CIB4: variants seen among roughly 807,000 people sequenced by gnomAD.
CIB4 encodes the protein calcium and integrin-binding family member 4.
CIB4 carries 25 observed loss-of-function variants against 25.8 expected under a neutral mutation model. The observed-to-expected ratio is 0.97, with a 90% confidence interval of 0.71 to 1.35. The LOEUF (loss-of-function observed/expected upper bound fraction) is 1.35, where lower values mean the gene tolerates loss of function less well. CIB4 is among the 40% of genes most tolerant of loss of function. The probability of loss-of-function intolerance (pLI) is 0.00; values close to 1 mark genes in which losing one functional copy is unlikely to be tolerated. For missense variants in CIB4, 235 were observed against 228.2 expected (o/e 1.03, Z -0.19); for synonymous variants, 75 against 81.4 (o/e 0.92, Z 0.42).
chr2:26,629,519 G>A lies in CIB4; in HGVS notation c.90-13C>T, dbSNP rs1480734051. 2 of 1,537,394 alleles carry A rather than the reference G, an allele frequency of 1.3e-6. No individual in the cohort carries two copies. The highest frequency in any genetic ancestry group is 2.4e-5 in the East Asian group (1 of 42,456). On this transcript the variant is annotated splice_polypyrimidine_tract_variant and intron_variant, in intron 2 of 6. Transcript: ENST00000288861. ...GGTGTCATGGATGCTGAAAAGAGAG[G>A]CATGAAGACCGTGTGGCCGGGGAAA...
chr2:26,630,245 T>C (rs978674482), intron 2 of CIB4, among the ~76,000 whole-genome samples: 3 of 152,104 alleles, frequency 2.0e-5, no homozygotes, highest in Admixed American at 2.0e-4. Flanking sequence ...TGAGCCCTCA[T>C]TGCCTGTCTC....
intron 3 of CIB4, among the ~76,000 whole-genome samples, chr2:26,599,965 CA>C (rs1668751144): frequency 1.4e-5 from 2 of 140,996 alleles, no homozygotes; most frequent in African/African-American, 5.6e-5. Context: ...CCCAGCTACT[CA>C]GGAGGCTGAG....
At chr2:26,640,692 C>T (rs1292241494) in intron 1 of CIB4, 125 bp from the exon 2 acceptor site, 7 of 1,039,966 alleles carry the variant, frequency 6.7e-6, no homozygotes, top group Non-Finnish European at 1.0e-5. Flanking sequence ...CTGGGGGAAC[C>T]CCAGGTTGAG....
intron 4 of CIB4, among the ~76,000 whole-genome samples, chr2:26,587,647 T>G (rs924368469): frequency 2.6e-5 from 4 of 152,182 alleles, no homozygotes; most frequent in African/African-American, 9.6e-5. Flanking sequence ...CTAATAAGCA[T>G]CTTCTATACT....
chr2:26,625,025 T>C (rs940789261), intron 3 of CIB4, among the ~76,000 whole-genome samples: 1 of 152,032 alleles, frequency 6.6e-6, no homozygotes, highest in African/African-American at 2.4e-5. Context: ...ACCCCATAAA[T>C]ATATACACCT....
At chr2:26,625,535 A>G (rs1669286978) in intron 3 of CIB4, among the ~76,000 whole-genome samples, 2 of 152,088 alleles carry the variant, frequency 1.3e-5, no homozygotes, top group African/African-American at 2.4e-5. Context: ...TATTTTTAGT[A>G]GAGACGGGGT....
chr2:26,593,173 A>G lies in CIB4; in HGVS notation c.328+2003T>C, dbSNP rs116149648. 2.2e-3 allele frequency among the ~76,000 whole-genome samples: 329 copies of G among 152,300 alleles called. 2 individuals are homozygous for G. Among genetic ancestry groups the G allele is most frequent in the African/African-American group, 7.7e-3 (320 of 41,584 alleles). On this transcript the variant is annotated intron_variant, in intron 4 of 6. Transcript: ENST00000288861. ...TGCTCCTGGTTCTTGGACTTTCAGA[A>G]TGAATTATGCTACCGCCTTTCCTAG...
At chr2:26,601,231 A>AAAATATATATATATAT (rs1395827334) in intron 3 of CIB4, among the ~76,000 whole-genome samples, 1 of 17,238 alleles carries the variant, frequency 5.8e-5, no homozygotes, top group African/African-American at 1.5e-4. Flanking sequence ...AAAAAAAAAA[A>AAAATATATATATATAT]ATATATATAT....
intron 3 of CIB4, among the ~76,000 whole-genome samples, chr2:26,606,302 A>G (rs1444935160): frequency 6.6e-6 from 1 of 152,226 alleles, no homozygotes; most frequent in Non-Finnish European, 1.5e-5. Context: ...GCAAAGTGCT[A>G]TGACAAGAGC....
At chr2:26,601,231 A>AAAATATATATAT (rs1395827334) in intron 3 of CIB4, among the ~76,000 whole-genome samples, 2 of 17,236 alleles carry the variant, frequency 1.2e-4, no homozygotes, top group African/African-American at 3.0e-4. Flanking sequence ...AAAAAAAAAA[A>AAAATATATATAT]ATATATATAT....
intron 2 of CIB4, among the ~76,000 whole-genome samples, chr2:26,633,218 A>G (rs911298068): frequency 1.3e-5 from 2 of 152,188 alleles, no homozygotes; most frequent in Admixed American, 6.5e-5. Flanking sequence ...GGCAGAAAAG[A>G]AACTCACCAG....
At chr2:26,640,857 G>T (rs1201231142) in intron 1 of CIB4, among the ~76,000 whole-genome samples, 7 of 152,184 alleles carry the variant, frequency 4.6e-5, no homozygotes, top group African/African-American at 1.7e-4. Flanking sequence ...ACAGATGGAG[G>T]AAGGTAACCT....
intron 4 of CIB4, among the ~76,000 whole-genome samples, chr2:26,588,170 G>T (rs1473858288): frequency 6.6e-6 from 1 of 152,256 alleles, no homozygotes; most frequent in African/African-American, 2.4e-5. Flanking sequence ...CTACACTGCT[G>T]CTGGGAACCT....
chr2:26,616,209 A>G (rs1419593894), intron 3 of CIB4, among the ~76,000 whole-genome samples: 1 of 152,228 alleles, frequency 6.6e-6, no homozygotes, highest in Non-Finnish European at 1.5e-5. Context: ...CACAGCCCAG[A>G]TCTCAGGACT....
intron 2 of CIB4, 24 bp from the exon 3 acceptor site, chr2:26,629,530 G>A (rs1158254474): frequency 1.9e-5 from 29 of 1,492,434 alleles, no homozygotes; most frequent in Admixed American, 5.9e-5. Context: ...CATGAAGACC[G>A]TGTGGCCGGG....
intron 4 of CIB4, among the ~76,000 whole-genome samples, chr2:26,587,566 A>G (rs1668482099): frequency 6.6e-6 from 1 of 152,124 alleles, no homozygotes; most frequent in South Asian, 2.1e-4. Flanking sequence ...ATACATGGAC[A>G]TCACCTGGAA....
At chr2:26,584,686 T>A (rs1408945595) in intron 4 of CIB4, among the ~76,000 whole-genome samples, 2 of 152,192 alleles carry the variant, frequency 1.3e-5, no homozygotes, top group African/African-American at 2.4e-5. Context: ...AAGGGTAATG[T>A]GACAGGGAGC....
At chr2:26,631,553 G>A (rs535985290) in intron 2 of CIB4, among the ~76,000 whole-genome samples, 1 of 152,304 alleles carries the variant, frequency 6.6e-6, no homozygotes, top group South Asian at 2.1e-4. Flanking sequence ...GGAAGCAGGA[G>A]GCTCTCCCAG....
At chr2:26,631,429 G>A (rs962840945) in intron 2 of CIB4, among the ~76,000 whole-genome samples, 2 of 152,144 alleles carry the variant, frequency 1.3e-5, no homozygotes, top group East Asian at 1.9e-4. Context: ...AGCTGTGATC[G>A]CACTACTGCA....
Sources: allele counts gnomAD v4.1 joint callset (sites outside exome capture counted in the v4.1 genomes callset), GRCh38; gene constraint gnomAD v4.1.1; transcripts MANE v1.5; gene names NCBI Gene and HGNC (gene_info 2026-07-23, HGNC 2026-07-21).